The following AGBL4 variants were observed in gnomAD, a reference collection of about 807,000 sequenced individuals.
AGBL4 encodes cytosolic carboxypeptidase 6.
A neutral mutation model predicts 66.4 loss-of-function variants in AGBL4; 58 were observed. The ratio of observed to expected loss-of-function variants is 0.87; its 90% confidence interval spans 0.71 to 1.09. The LOEUF (loss-of-function observed/expected upper bound fraction) is 1.09. AGBL4 is among the 50% of genes least tolerant of loss of function. The probability of loss-of-function intolerance (pLI) is 0.00; values close to 1 mark genes in which losing one functional copy is unlikely to be tolerated. For synonymous variants in AGBL4, 234 were observed against 222.9 expected (o/e 1.05, Z -0.44); for missense variants, 579 against 631.0 (o/e 0.92, Z 0.88).
At chr1:49,399,750 C>G (rs1185102684) in intron 3 of AGBL4, among the ~76,000 whole-genome samples, 2 of 151,874 alleles carry the variant, frequency 1.3e-5, no homozygotes, top group African/African-American at 2.4e-5. Flanking sequence ...GTTATTAATC[C>G]CTTGTCAGAT....
Position 49,579,700 on chromosome 1 carries a change from C to T in AGBL4, c.282+117613G>A, listed in dbSNP as rs545780111. 3.9e-5 allele frequency among the ~76,000 whole-genome samples: 6 copies of T among 152,210 alleles called. No homozygotes were observed. In the South Asian group the frequency reaches 8.3e-4, roughly 21 times the overall value. ...ATTTTTAGTAGAGACGGGGTTTCAC[C>T]GTGTTGGCCAGGATGGTCTCGATCT... On this transcript the variant is annotated intron_variant, in intron 3 of 13. Coordinates refer to ENST00000371839, the MANE Select transcript of AGBL4 (RefSeq NM_032785.4).
At chr1:49,986,383 G>C (rs944599601) in intron 1 of AGBL4, among the ~76,000 whole-genome samples, 1 of 151,966 alleles carries the variant, frequency 6.6e-6, no homozygotes, top group Non-Finnish European at 1.5e-5. Flanking sequence ...TCTCATTGCT[G>C]TGAAGTATTA....
At chr1:49,503,279 C>T (rs1648354133) in intron 3 of AGBL4, among the ~76,000 whole-genome samples, 1 of 152,140 alleles carries the variant, frequency 6.6e-6, no homozygotes, top group Non-Finnish European at 1.5e-5. Flanking sequence ...GTTTGGGAAC[C>T]TTCACCTAGA....
At chr1:49,397,300 A>G (rs924124791) in intron 3 of AGBL4, among the ~76,000 whole-genome samples, 1 of 152,152 alleles carries the variant, frequency 6.6e-6, no homozygotes, top group Non-Finnish European at 1.5e-5. Context: ...TCTGCCCACA[A>G]TGAAGATACC....
At chr1:49,455,634 CT>C (rs773760723) in intron 3 of AGBL4, among the ~76,000 whole-genome samples, 3 of 151,784 alleles carry the variant, frequency 2.0e-5, no homozygotes, top group Non-Finnish European at 4.4e-5. Context: ...TGTTGTCCCA[CT>C]TATAGTGCAT....
chr1:48,539,528 T>TTAAAA, intron 12 of AGBL4, 114 bp downstream of exon 12: 1 of 786,722 alleles, frequency 1.3e-6, no homozygotes, highest in Non-Finnish European at 1.8e-6. Context: ...CAGGATTATC[T>TTAAAA]TTCCTGCGGC....
chr1:48,609,391 T>C (rs1425453783), intron 9 of AGBL4, among the ~76,000 whole-genome samples: 2 of 152,176 alleles, frequency 1.3e-5, no homozygotes, highest in Admixed American at 1.3e-4. Context: ...ACTCCAGTCA[T>C]AGGACTCTCT....
chr1:48,932,411 G>A (rs188639415), intron 5 of AGBL4, among the ~76,000 whole-genome samples: 9 of 152,218 alleles, frequency 5.9e-5, no homozygotes, highest in Admixed American at 2.6e-4. Flanking sequence ...GCTGTTACTC[G>A]TTGAATTTGA....
At chr1:49,283,916 G>A (rs1644342896) in intron 3 of AGBL4, among the ~76,000 whole-genome samples, 1 of 149,580 alleles carries the variant, frequency 6.7e-6, no homozygotes, top group African/African-American at 2.5e-5. Flanking sequence ...AAGTGACGGG[G>A]AGAATGGAAC....
intron 2 of AGBL4, among the ~76,000 whole-genome samples, chr1:49,807,860 A>G (rs914181119): frequency 2.0e-5 from 3 of 152,208 alleles, no homozygotes; most frequent in East Asian, 1.9e-4. Flanking sequence ...TGACCTTACA[A>G]AAGAAGCCCC....
intron 3 of AGBL4, among the ~76,000 whole-genome samples, chr1:49,606,098 C>T (rs903726343): frequency 1.3e-5 from 2 of 151,264 alleles, no homozygotes; most frequent in Non-Finnish European, 1.5e-5. Context: ...CTAAATAGTT[C>T]GCCTTCTGAA....
intron 4 of AGBL4, among the ~76,000 whole-genome samples, chr1:49,242,557 G>C (rs1273762631): frequency 6.6e-6 from 1 of 151,940 alleles, no homozygotes; most frequent in African/African-American, 2.4e-5. Flanking sequence ...GTTCCTAGCA[G>C]TGCCTAGCAC....
Position 48,830,732 on chromosome 1 carries a change from T to C in AGBL4, c.634+36459A>G, listed in dbSNP as rs913172436. ...TCACTGAGCTAATCAATAAATAACT[T>C]TGGGCACCTAGCAATTTTGCTTTTG... On this transcript the variant is annotated intron_variant, in intron 6 of 13. Coordinates refer to ENST00000371839, the MANE Select transcript of AGBL4 (RefSeq NM_032785.4). Among the ~76,000 whole-genome samples, 5 of 152,232 alleles carry C rather than the reference T, an allele frequency of 3.3e-5. No homozygotes were observed. In the South Asian group the frequency reaches 6.2e-4, roughly 19 times the overall value.
chr1:49,631,532 TCA>T (rs1645569216), intron 3 of AGBL4, among the ~76,000 whole-genome samples: 1 of 152,182 alleles, frequency 6.6e-6, no homozygotes, highest in Admixed American at 6.5e-5. Context: ...GCACATTTTC[TCA>T]GTTTCATCAT....
chr1:49,155,626 T>C (rs981161219), intron 4 of AGBL4, among the ~76,000 whole-genome samples: 2 of 152,108 alleles, frequency 1.3e-5, no homozygotes, highest in African/African-American at 4.8e-5. Context: ...ATCTAAAAAA[T>C]AGAGAAGTGG....
intron 3 of AGBL4, among the ~76,000 whole-genome samples, chr1:49,380,432 T>C (rs376023418): frequency 2.0e-5 from 3 of 152,264 alleles, no homozygotes; most frequent in African/African-American, 4.8e-5. Flanking sequence ...AGATAATTTA[T>C]AGATTCAATG....
At chr1:49,573,294 T>G (rs1025527888) in intron 3 of AGBL4, among the ~76,000 whole-genome samples, 5 of 151,816 alleles carry the variant, frequency 3.3e-5, no homozygotes, top group African/African-American at 7.3e-5. Flanking sequence ...CTTTCGTTGG[T>G]TTTGGGGTTT....
At chr1:49,802,262 G>C (rs377249225) in intron 2 of AGBL4, among the ~76,000 whole-genome samples, 39 of 136,378 alleles carry the variant, frequency 2.9e-4, no homozygotes, top group Admixed American at 3.5e-4. Flanking sequence ...AGACACATCG[G>C]GGGGGGTCGC....
chr1:49,193,816 A>G (rs1218691505), intron 4 of AGBL4, among the ~76,000 whole-genome samples: 1 of 152,076 alleles, frequency 6.6e-6, no homozygotes, highest in African/African-American at 2.4e-5. Flanking sequence ...TACAGGCGTG[A>G]GCCACCGTGC....
Sources: gnomAD v4.1 joint callset for allele counts (sites outside exome capture counted in the v4.1 genomes callset) on GRCh38, gnomAD v4.1.1 for gene constraint, MANE v1.5 for transcripts, NCBI Gene and HGNC (gene_info 2026-07-23, HGNC 2026-07-21) for gene names.